The following PPP2R5A variants were observed in gnomAD, a reference collection of about 807,000 sequenced individuals.
PPP2R5A encodes the protein serine/threonine-protein phosphatase 2A 56 kDa regulatory subunit alpha isoform.
A neutral mutation model predicts 64.2 loss-of-function variants in PPP2R5A; 25 were observed. That is an observed-to-expected ratio of 0.39 (90% CI 0.28 to 0.54). The LOEUF is 0.54. Among genes scored for constraint, PPP2R5A ranks in the 20% least tolerant of loss-of-function variants. PPP2R5A has a pLI of 0.67. For synonymous variants in PPP2R5A, 198 were observed against 201.2 expected, an observed-to-expected ratio of 0.98 and a Z score of 0.13; for missense variants, 425 against 576.3, an observed-to-expected ratio of 0.74 and a Z score of 2.69.
rs1239938150 is a variant in PPP2R5A at position 212,285,887 on chromosome 1, C to T, written c.-224C>T. The T allele has an allele frequency of 2.2e-5, 9 of 410,388 alleles. No homozygotes were observed. The highest frequency in any genetic ancestry group is 3.8e-5 in the Non-Finnish European group (9 of 237,778). The allele number at this position is 410,388 out of a possible 1,614,324, so 25.4% of individuals were successfully genotyped here. ...CTTCCCTCCGTCAGCCCCGGGAGCT[C>T]GCCGCGCGCCGGGGACCAGGAACCT... On this transcript the variant is annotated 5_prime_UTR_variant, in exon 1 of 13. Transcript: ENST00000261461.
intron 4 of PPP2R5A, among the ~76,000 whole-genome samples, chr1:212,343,996 T>A (rs1176101065): frequency 6.6e-6 from 1 of 152,096 alleles, no homozygotes; most frequent in Non-Finnish European, 1.5e-5. Flanking sequence ...TTTATATGGC[T>A]GTTTTGCTCT....
At position 212,285,983 on chromosome 1, in the gene PPP2R5A, A is replaced by AGGGCCGTGGGGCCGGG; in HGVS notation, c.-126_-111dup. On this transcript the variant is annotated 5_prime_UTR_variant, in exon 1 of 13. Transcript: ENST00000261461. ...AAGCTCGGCGGCGTCCCGGGGCCGGAGGGCCGTGGGGCCGGGGCGCAGGGG... is the reference window on the plus strand; with the variant it reads ...AAGCTCGGCGGCGTCCCGGGGCCGGAGGGCCGTGGGGCCGGGGGGCCGTGGGGCCGGGGCGCAGGGG... 2.1e-6 allele frequency: 2 copies of AGGGCCGTGGGGCCGGG among 954,984 alleles called. No individual in the cohort carries two copies. The highest frequency in any genetic ancestry group is 6.8e-5 in the East Asian group (2 of 29,466). 59.2% of individuals were successfully genotyped at this position (954,984 alleles called of 1,614,324 possible).
intron 1 of PPP2R5A, among the ~76,000 whole-genome samples, chr1:212,308,796 G>A (rs560895109): frequency 2.0e-5 from 3 of 152,148 alleles, no homozygotes; most frequent in African/African-American, 7.2e-5. Flanking sequence ...TCTTCAGATT[G>A]CATAATTTCT....
chr1:212,316,615 A>ATTTTTTTTT (rs1659160016), intron 1 of PPP2R5A, among the ~76,000 whole-genome samples: 1 of 34,010 alleles, frequency 2.9e-5, no homozygotes, highest in Non-Finnish European at 6.5e-5. Context: ...TTTTTTTTTA[A>ATTTTTTTTT]TCTGAAAGCT....
At chr1:212,325,639 A>G (rs545112645) in intron 1 of PPP2R5A, among the ~76,000 whole-genome samples, 1 of 152,198 alleles carries the variant, frequency 6.6e-6, no homozygotes, top group East Asian at 1.9e-4. Context: ...AGTCATCATT[A>G]TGGAATTTAT....
intron 11 of PPP2R5A, 105 bp from the exon 12 acceptor site, chr1:212,358,581 A>G (rs1194798832): frequency 2.7e-6 from 2 of 754,120 alleles, no homozygotes; most frequent in African/African-American, 1.8e-5. Flanking sequence ...TCTAAAATGG[A>G]TTAAATGAAA....
At chr1:212,319,886 G>A (rs1165766848) in intron 1 of PPP2R5A, among the ~76,000 whole-genome samples, 4 of 150,366 alleles carry the variant, frequency 2.7e-5, no homozygotes, top group Non-Finnish European at 4.4e-5. Flanking sequence ...GCCTTCCAAA[G>A]TGCTGGGATT....
intron 3 of PPP2R5A, among the ~76,000 whole-genome samples, chr1:212,334,857 A>G (rs527655864): frequency 1.2e-3 from 183 of 152,310 alleles, no homozygotes; most frequent in Non-Finnish European, 2.4e-3. Context: ...TGATGTATCT[A>G]GGTGTGGATC....
At chr1:212,309,531 CCTT>C (rs913506665) in intron 1 of PPP2R5A, 76 of 744,126 alleles carry the variant, frequency 1.0e-4, no homozygotes, top group African/African-American at 9.7e-4. Flanking sequence ...TGTGAAAAGC[CCTT>C]CTTTACTTCT....
intron 5 of PPP2R5A, 115 bp downstream of exon 5, chr1:212,346,048 C>A: frequency 9.4e-7 from 1 of 1,058,890 alleles, no homozygotes; most frequent in Non-Finnish European, 1.3e-6. Context: ...GTCATCCAGG[C>A]TGGAGTGCAG....
In PPP2R5A at chr1:212,345,811, G is replaced by C. The variant is rs373523104; in HGVS notation, c.582G>C (p.Glu194Asp). 5.6e-6 allele frequency: 9 copies of C among 1,597,818 alleles called. No individual in the cohort carries two copies. Among genetic ancestry groups the C allele is most frequent in the Non-Finnish European group, 7.7e-6 (9 of 1,176,106 alleles). The change falls in exon 5 of 13, where the codon GAG (glutamate) becomes GAC (aspartate). Residue 194 changes from glutamate (E) to aspartate (D), a missense_variant. By Grantham distance (45) the Glu-to-Asp change is conservative (BLOSUM62 2). Coordinates refer to ENST00000261461, the MANE Select transcript of PPP2R5A (RefSeq NM_006243.4). Reference protein sequence around the residue: ...IDQKFVQQLLELFDSEDPRER... With the variant: ...IDQKFVQQLLDLFDSEDPRER... ...TCAGGTTTCTTTTAAAGCTCCTGGA[G>C]CTTTTTGATAGTGAAGATCCCAGAG...
At chr1:212,332,487 C>A (rs150249705) in intron 2 of PPP2R5A, among the ~76,000 whole-genome samples, 66 of 152,270 alleles carry the variant, frequency 4.3e-4, no homozygotes, top group Non-Finnish European at 8.7e-4. Flanking sequence ...TACCTTAGTA[C>A]TAAGATAATG....
At chr1:212,290,152 C>T (rs1658575015) in intron 1 of PPP2R5A, among the ~76,000 whole-genome samples, 1 of 152,182 alleles carries the variant, frequency 6.6e-6, no homozygotes, top group South Asian at 2.1e-4. Context: ...GCAACTGTGT[C>T]CCACTAGAGG....
intron 1 of PPP2R5A, among the ~76,000 whole-genome samples, chr1:212,299,872 G>C (rs1255228227): frequency 6.6e-6 from 1 of 151,516 alleles, no homozygotes; most frequent in East Asian, 1.9e-4. Context: ...GAGTACAGTG[G>C]TATGATCTCT....
intron 6 of PPP2R5A, among the ~76,000 whole-genome samples, chr1:212,347,900 CGTATTA>C (rs1659811888): frequency 6.6e-6 from 1 of 151,950 alleles, no homozygotes; most frequent in South Asian, 2.1e-4. Context: ...TTATTCACTA[CGTATTA>C]GTATTAAGAG....
intron 8 of PPP2R5A, among the ~76,000 whole-genome samples, chr1:212,353,363 A>C (rs1659921263): frequency 1.3e-5 from 2 of 152,188 alleles, no homozygotes; most frequent in South Asian, 4.1e-4. Flanking sequence ...TGTTCGTTAG[A>C]AGCAAGTCAC....
intron 1 of PPP2R5A, among the ~76,000 whole-genome samples, chr1:212,310,950 A>G (rs895426682): frequency 2.0e-5 from 3 of 152,210 alleles, no homozygotes; most frequent in African/African-American, 2.4e-5. Flanking sequence ...GGGTTTCTAC[A>G]TAGCTGAGCC....
chr1:212,320,162 G>A (rs1475420237), intron 1 of PPP2R5A, among the ~76,000 whole-genome samples: 1 of 151,766 alleles, frequency 6.6e-6, no homozygotes, highest in Non-Finnish European at 1.5e-5. Context: ...CGAGCATGCT[G>A]CCTTCAAGCA....
At chr1:212,347,283 G>A (rs1416771234) in intron 5 of PPP2R5A, 64 bp from the exon 6 acceptor site, 1 of 1,171,602 alleles carries the variant, frequency 8.5e-7, no homozygotes, top group Non-Finnish European at 1.3e-6. Context: ...TCACCCTCCT[G>A]CCTGTTTCTC....
Sources: gnomAD v4.1 joint callset for allele counts (sites outside exome capture counted in the v4.1 genomes callset) on GRCh38, gnomAD v4.1.1 for gene constraint, MANE v1.5 for transcripts, NCBI Gene and HGNC (gene_info 2026-07-23, HGNC 2026-07-21) for gene names.